Variants in MSRA observed in about 807,000 individuals in gnomAD.
MSRA encodes methionine sulfoxide reductase A.
Under a neutral mutation model 31.3 loss-of-function variants are expected in MSRA, and 54 were observed. That is an observed-to-expected ratio of 1.73 (90% CI 1.39 to 2.17). The LOEUF is 2.17. Ranked by LOEUF, MSRA falls within the 30% of genes most tolerant of loss-of-function variation. The pLI is 0.00. For missense variants in MSRA, 507 were observed against 300.9 expected (o/e 1.69, Z -5.07); for synonymous variants, 169 against 116.5 (o/e 1.45, Z -2.90).
intron 5 of MSRA, among the ~76,000 whole-genome samples, chr8:10,382,133 A>C (rs547827575): frequency 4.6e-5 from 7 of 152,318 alleles, no homozygotes; most frequent in African/African-American, 1.7e-4. Context: ...GGACTGGGCA[A>C]GGCTGTTGCA....
At position 10,413,003 on chromosome 8, in the gene MSRA, C is replaced by T. The variant is rs546619257; in HGVS notation, c.544-15145C>T. On this transcript the variant is annotated intron_variant, in intron 5 of 5. Coordinates refer to ENST00000317173, the MANE Select transcript of MSRA (RefSeq NM_012331.5). ...TTTTTACCTACGAGAAATAAGACGA[C>T]ACAAAAACCCATTCCCAAATGTTTA... Among the ~76,000 whole-genome samples the T allele has an allele frequency of 7.9e-5, 12 of 152,304 alleles. No homozygotes were observed. In the South Asian group the frequency reaches 2.3e-3, roughly 29 times the overall value.
At chr8:10,294,092 T>G (rs1465273090) in intron 3 of MSRA, among the ~76,000 whole-genome samples, 1 of 152,082 alleles carries the variant, frequency 6.6e-6, no homozygotes, top group Non-Finnish European at 1.5e-5. Context: ...TAATCTCAGC[T>G]ACTTAGGAGG....
chr8:10,206,476 C>A (rs772164792), intron 1 of MSRA, among the ~76,000 whole-genome samples: 9 of 152,214 alleles, frequency 5.9e-5, no homozygotes, highest in Non-Finnish European at 1.2e-4. Context: ...CTGATGGAAT[C>A]CCTAAGGGCT....
intron 1 of MSRA, among the ~76,000 whole-genome samples, chr8:10,073,142 C>T (rs1342929036): frequency 6.6e-6 from 1 of 152,002 alleles, no homozygotes; most frequent in Non-Finnish European, 1.5e-5. Context: ...GGATATTTCC[C>T]TAGCCTTAAA....
At chr8:10,149,778 A>T (rs1475911565) in intron 1 of MSRA, among the ~76,000 whole-genome samples, 1 of 150,750 alleles carries the variant, frequency 6.6e-6, no homozygotes, top group East Asian at 2.0e-4. Context: ...GAAACCACAA[A>T]GGTGGTATGG....
At chr8:10,308,112 A>T (rs916010887) in intron 4 of MSRA, among the ~76,000 whole-genome samples, 14 of 152,190 alleles carry the variant, frequency 9.2e-5, no homozygotes, top group African/African-American at 3.4e-4. Flanking sequence ...AAGGAGCCAG[A>T]GTCACCATCC....
rs1217140035 is a variant in MSRA at position 10,301,702 on chromosome 8, T to C, written c.436+64T>C. ...AATTACAGCTGGGATAATTAGTGTT[T>C]GAGCTGCATGGAAGAGATGAACCTT... On this transcript the variant is annotated intron_variant, in intron 4 of 5. Transcript: ENST00000317173. 4.6e-6 allele frequency: 6 copies of C among 1,306,212 alleles called. No individual in the cohort carries two copies. The Admixed American group carries it at 1.1e-4, about 24-fold the overall frequency. 80.9% of individuals were successfully genotyped at this position (1,306,212 alleles called of 1,614,324 possible).
At chr8:10,403,854 C>G (rs1039800075) in intron 5 of MSRA, among the ~76,000 whole-genome samples, 2 of 152,202 alleles carry the variant, frequency 1.3e-5, no homozygotes, top group African/African-American at 4.8e-5. Context: ...CTCTTCAGGA[C>G]CTAGGCTTCC....
chr8:10,368,179 A>ACT (rs1435012449), intron 5 of MSRA, among the ~76,000 whole-genome samples: 2 of 152,128 alleles, frequency 1.3e-5, no homozygotes, highest in Non-Finnish European at 2.9e-5. Context: ...TCACACATCC[A>ACT]CTCTGACTAC....
intron 1 of MSRA, among the ~76,000 whole-genome samples, chr8:10,086,251 G>A (rs184647360): frequency 6.6e-6 from 1 of 152,216 alleles, no homozygotes; most frequent in Non-Finnish European, 1.5e-5. Flanking sequence ...GGCATGAATT[G>A]AAGATGACTC....
At chr8:10,391,057 C>A (rs980805930) in intron 5 of MSRA, among the ~76,000 whole-genome samples, 1 of 151,916 alleles carries the variant, frequency 6.6e-6, no homozygotes, top group Non-Finnish European at 1.5e-5. Context: ...ATGTACTTCA[C>A]GTTCTGGCAC....
At chr8:10,093,642 T>C (rs1229591746) in intron 1 of MSRA, among the ~76,000 whole-genome samples, 2 of 152,214 alleles carry the variant, frequency 1.3e-5, no homozygotes, top group Admixed American at 6.5e-5. Flanking sequence ...AATTAAACTA[T>C]GTTACATTTA....
chr8:10,243,915 T>C (rs142549633), intron 2 of MSRA, among the ~76,000 whole-genome samples: 22 of 152,368 alleles, frequency 1.4e-4, no homozygotes, highest in Admixed American at 6.5e-4. Context: ...ATTTTTATTT[T>C]AACCTATTTT....
intron 1 of MSRA, among the ~76,000 whole-genome samples, chr8:10,135,006 T>A (rs1802167625): frequency 6.6e-6 from 1 of 152,232 alleles, no homozygotes; most frequent in Non-Finnish European, 1.5e-5. Context: ...TCAATCACAT[T>A]AACATTTTGT....
intron 1 of MSRA, among the ~76,000 whole-genome samples, chr8:10,109,729 G>A (rs1318921895): frequency 6.6e-6 from 1 of 152,194 alleles, no homozygotes; most frequent in African/African-American, 2.4e-5. Context: ...ATTTCTGATA[G>A]TAGTTTAGTT....
intron 2 of MSRA, among the ~76,000 whole-genome samples, chr8:10,233,039 G>A (rs1811626225): frequency 6.6e-6 from 1 of 152,182 alleles, no homozygotes; most frequent in African/African-American, 2.4e-5. Flanking sequence ...AATTCATTGT[G>A]TCTATGACTT....
At chr8:10,105,649 A>G (rs1272152691) in intron 1 of MSRA, among the ~76,000 whole-genome samples, 1 of 152,168 alleles carries the variant, frequency 6.6e-6, no homozygotes, top group Non-Finnish European at 1.5e-5. Context: ...CTTTCTATAC[A>G]GTGAATAATC....
At chr8:10,082,278 G>A (rs895329975) in intron 1 of MSRA, among the ~76,000 whole-genome samples, 1 of 152,080 alleles carries the variant, frequency 6.6e-6, no homozygotes, top group Admixed American at 6.5e-5. Context: ...AGGTGAGAAT[G>A]TCCTAGACTT....
intron 3 of MSRA, among the ~76,000 whole-genome samples, chr8:10,274,205 C>T (rs1266062085): frequency 4.6e-5 from 7 of 152,206 alleles, no homozygotes; most frequent in Admixed American, 4.6e-4. Flanking sequence ...AAACTTCTAA[C>T]ATGCTAGTGT....
Sources: gnomAD v4.1 joint callset for allele counts (sites outside exome capture counted in the v4.1 genomes callset) on GRCh38, gnomAD v4.1.1 for gene constraint, MANE v1.5 for transcripts, NCBI Gene and HGNC (gene_info 2026-07-23, HGNC 2026-07-21) for gene names.